BACE2: variants seen among roughly 807,000 people sequenced by gnomAD.
BACE2 encodes beta-secretase 2, also known as 56 kDa aspartic-like protease.
A neutral mutation model predicts 46.2 loss-of-function variants in BACE2; 17 were observed. The observed-to-expected ratio is 0.37, with a 90% CI of 0.25 to 0.55. The LOEUF (loss-of-function observed/expected upper bound fraction) is 0.55, where lower values mean the gene tolerates loss of function less well. BACE2 is among the 20% of genes least tolerant of loss of function. The pLI is 0.82. For synonymous variants in BACE2, 277 were observed against 295.9 expected (o/e 0.94, Z 0.66); for missense variants, 595 against 698.1 (o/e 0.85, Z 1.66).
chr21:41,266,667 C>T (rs903688440), intron 8 of BACE2, among the ~76,000 whole-genome samples: 1 of 152,216 alleles, frequency 6.6e-6, no homozygotes, highest in Non-Finnish European at 1.5e-5. Context: ...TTCCCGGCTC[C>T]TTTCACCAAT....
At chr21:41,220,395 C>T (rs1376060494) in intron 1 of BACE2, among the ~76,000 whole-genome samples, 1 of 152,168 alleles carries the variant, frequency 6.6e-6, no homozygotes, top group East Asian at 1.9e-4. Flanking sequence ...GGCTGAAAGT[C>T]CCAGTCCTCT....
intron 6 of BACE2, among the ~76,000 whole-genome samples, chr21:41,247,529 G>A (rs117996696): frequency 2.0e-4 from 31 of 152,336 alleles, no homozygotes; most frequent in Non-Finnish European, 2.6e-4. Context: ...CAGAATTAAC[G>A]GGAGTATCTT....
chr21:41,173,968 A>C (rs551740512), intron 1 of BACE2, among the ~76,000 whole-genome samples: 1 of 151,956 alleles, frequency 6.6e-6, no homozygotes, highest in South Asian at 2.1e-4. Context: ...GGATATATTT[A>C]ATATGAAACA....
chr21:41,258,509 G>A (rs1190445818), intron 8 of BACE2, among the ~76,000 whole-genome samples: 1 of 152,182 alleles, frequency 6.6e-6, no homozygotes, highest in Non-Finnish European at 1.5e-5. Context: ...ATTCCAGGAG[G>A]GAGAGATTTC....
At chr21:41,172,394 C>T (rs1035541058) in intron 1 of BACE2, among the ~76,000 whole-genome samples, 1 of 152,222 alleles carries the variant, frequency 6.6e-6, no homozygotes, top group Non-Finnish European at 1.5e-5. Context: ...ACGTGAAGCC[C>T]TGTGCGTGGC....
chr21:41,275,954 T>G lies in BACE2; in HGVS notation c.*330T>G, dbSNP rs540317903. 2.0e-4 allele frequency: 55 copies of G among 280,850 alleles called. 1 individual carries two copies. The South Asian group carries it at 3.4e-3, about 17-fold the overall frequency. The allele number at this position is 280,850 out of a possible 1,614,324, so 17.4% of individuals were successfully genotyped here. A position where few individuals can be genotyped will look rare whatever the true frequency, so the allele number is the denominator to read the frequency against. ...AAAACAAAACCAAGCCTTGGCTCGT[T>G]CTCTTCTCTCTTCAATCTCTGGAAA... On this transcript the variant is annotated 3_prime_UTR_variant, in exon 9 of 9. Transcript: ENST00000330333.
intron 8 of BACE2, among the ~76,000 whole-genome samples, chr21:41,263,427 A>G (rs1987989360): frequency 6.6e-6 from 1 of 152,238 alleles, no homozygotes; most frequent in Non-Finnish European, 1.5e-5. Flanking sequence ...CAAAATAGAA[A>G]CATCCCAAAA....
chr21:41,279,837 G>A lies in BACE2; in HGVS notation c.*4213G>A, dbSNP rs1270020177. On this transcript the variant is annotated 3_prime_UTR_variant, in exon 9 of 9. Coordinates refer to ENST00000330333, the MANE Select transcript of BACE2 (RefSeq NM_012105.5). ...TTCATTCAACGGATGGAGAGTACAG[G>A]ATGGCTGGGACCTGGGAAGTTCCAG... The A allele has an allele frequency of 6.6e-6, 1 of 152,418 alleles. No homozygotes were observed. The highest frequency in any genetic ancestry group is 2.4e-5 in the African/African-American group (1 of 41,432). The allele number at this position is 152,418 out of a possible 1,614,324, so 9.4% of individuals were successfully genotyped here.
intron 8 of BACE2, among the ~76,000 whole-genome samples, chr21:41,270,895 C>T (rs1016777804): frequency 5.3e-5 from 8 of 152,122 alleles, no homozygotes; most frequent in African/African-American, 1.4e-4. Context: ...TATTGAGAAA[C>T]GGATATTGGA....
intron 8 of BACE2, 135 bp downstream of exon 8, chr21:41,257,461 A>G: frequency 9.7e-7 from 1 of 1,029,454 alleles, no homozygotes; most frequent in South Asian, 1.7e-5. Flanking sequence ...AGTGATCAAA[A>G]TCTTCTCAAT....
chr21:41,210,213 C>A (rs1484610615), intron 1 of BACE2, among the ~76,000 whole-genome samples: 1 of 145,154 alleles, frequency 6.9e-6, no homozygotes, highest in Non-Finnish European at 1.5e-5. Flanking sequence ...GCTCCTAAGC[C>A]CCCCACCAAC....
In BACE2 at chr21:41,278,338, T is replaced by A. The variant is rs2088511636; in HGVS notation, c.*2714T>A. 1 of 152,208 alleles carries A rather than the reference T, an allele frequency of 6.6e-6. No homozygotes were observed. The highest frequency in any genetic ancestry group is 2.4e-5 in the African/African-American group (1 of 41,442). 9.4% of individuals were successfully genotyped at this position (152,208 alleles called of 1,614,324 possible). ...AGCAAGAAACAAGATGGGGACCAAT[T>A]CTATTTTTATTCTTGGGAATTTGAA... On this transcript the variant is annotated 3_prime_UTR_variant, in exon 9 of 9. Coordinates refer to ENST00000330333, the MANE Select transcript of BACE2 (RefSeq NM_012105.5).
chr21:41,269,494 G>T (rs1290451937), intron 8 of BACE2, among the ~76,000 whole-genome samples: 1 of 152,124 alleles, frequency 6.6e-6, no homozygotes, highest in Non-Finnish European at 1.5e-5. Flanking sequence ...TGCCTCCCAG[G>T]TCCTGTGGAC....
intron 8 of BACE2, among the ~76,000 whole-genome samples, chr21:41,265,406 C>T (rs757227929): frequency 5.9e-5 from 9 of 152,124 alleles, no homozygotes; most frequent in Non-Finnish European, 1.0e-4. Context: ...ATGAATATCA[C>T]TTCGTTACCT....
At chr21:41,229,236 G>A (rs751500512) in intron 2 of BACE2, among the ~76,000 whole-genome samples, 37 of 152,168 alleles carry the variant, frequency 2.4e-4, no homozygotes, top group Non-Finnish European at 4.4e-4. Flanking sequence ...CCCCTCACTG[G>A]GGCTCAGCAC....
chr21:41,219,354 T>A (rs1007566402), intron 1 of BACE2, among the ~76,000 whole-genome samples: 7 of 152,006 alleles, frequency 4.6e-5, no homozygotes, highest in Admixed American at 2.6e-4. Flanking sequence ...ATAGTAAAGA[T>A]GAAAAGAATA....
At chr21:41,209,555 C>T (rs955655726) in intron 1 of BACE2, among the ~76,000 whole-genome samples, 6 of 152,294 alleles carry the variant, frequency 3.9e-5, no homozygotes, top group Admixed American at 1.3e-4. Context: ...GAGAAAAAGC[C>T]GCACTACCCC....
At chr21:41,171,115 A>G (rs1272893484) in intron 1 of BACE2, among the ~76,000 whole-genome samples, 2 of 152,200 alleles carry the variant, frequency 1.3e-5, no homozygotes, top group African/African-American at 2.4e-5. Flanking sequence ...TTTGGCCTCA[A>G]ACTACCCTTT....
chr21:41,192,997 A>G (rs541540708), intron 1 of BACE2, among the ~76,000 whole-genome samples: 69 of 152,330 alleles, frequency 4.5e-4, no homozygotes, highest in African/African-American at 1.7e-3. Flanking sequence ...TTTTAGTCAT[A>G]TTTATTTCCC....
Sources: gnomAD v4.1 joint callset for allele counts (sites outside exome capture counted in the v4.1 genomes callset) on GRCh38, gnomAD v4.1.1 for gene constraint, MANE v1.5 for transcripts, NCBI Gene and HGNC (gene_info 2026-07-23, HGNC 2026-07-21) for gene names.